RGS7: variants seen among roughly 807,000 people sequenced by gnomAD.
RGS7 encodes the protein regulator of G-protein signaling 7.
Under a neutral mutation model 81.1 loss-of-function variants are expected in RGS7, and 27 were observed. That is an observed-to-expected ratio of 0.33 (90% CI 0.25 to 0.46). The LOEUF (loss-of-function observed/expected upper bound fraction) is 0.46. Among genes scored for constraint, RGS7 ranks in the 20% least tolerant of loss-of-function variants. The pLI, the probability that RGS7 is intolerant of heterozygous loss-of-function variation, is 1.00. For missense variants in RGS7, 396 were observed against 607.4 expected, an observed-to-expected ratio of 0.65 and a Z score of 3.66; for synonymous variants, 208 against 207.7, an observed-to-expected ratio of 1.00 and a Z score of -0.01.
intron 2 of RGS7, among the ~76,000 whole-genome samples, chr1:241,234,389 T>A (rs1249724201): frequency 2.0e-5 from 3 of 152,238 alleles, no homozygotes; most frequent in African/African-American, 7.2e-5. Context: ...GTGGTACGAT[T>A]ATCTTGCATC....
chr1:240,841,665 T>A (rs1270999489), intron 9 of RGS7, among the ~76,000 whole-genome samples: 1 of 152,188 alleles, frequency 6.6e-6, no homozygotes. Flanking sequence ...CTGAAGCATA[T>A]CAAAGATTCA....
rs1425779549 is a variant in RGS7, at chr1:241,098,609, T to C, written c.175+57A>G. The C allele has an allele frequency of 6.9e-6, 8 of 1,162,580 alleles. No homozygotes were observed. In the East Asian group the frequency reaches 1.6e-4, roughly 24 times the overall value. 72.0% of individuals were successfully genotyped at this position (1,162,580 alleles called of 1,614,324 possible). A position where few individuals can be genotyped will look rare whatever the true frequency, so the allele number is the denominator to read the frequency against. ...AATAGTGAACAGCTGGAATCAGTTTTAAAGAGTTATCTAAGAGGTACAGGA... is the reference window on the plus strand; with the variant it reads ...AATAGTGAACAGCTGGAATCAGTTTCAAAGAGTTATCTAAGAGGTACAGGA... On this transcript the variant is annotated intron_variant, in intron 3 of 18. Transcript: ENST00000440928.
At chr1:240,932,179 C>A (rs907457338) in intron 5 of RGS7, among the ~76,000 whole-genome samples, 2 of 152,090 alleles carry the variant, frequency 1.3e-5, no homozygotes, top group Non-Finnish European at 1.5e-5. Context: ...TCTCAGAGGC[C>A]CCCCCGACTA....
chr1:240,886,830 A>G (rs1667407241), intron 6 of RGS7, among the ~76,000 whole-genome samples: 2 of 152,194 alleles, frequency 1.3e-5, no homozygotes. Context: ...TAATTGTCTG[A>G]TCCTCTGATC....
intron 2 of RGS7, among the ~76,000 whole-genome samples, chr1:241,241,678 C>T (rs1195101818): frequency 6.6e-6 from 1 of 152,066 alleles, no homozygotes; most frequent in Non-Finnish European, 1.5e-5. Flanking sequence ...TGGCATGAGC[C>T]ATGGGAGATC....
intron 2 of RGS7, among the ~76,000 whole-genome samples, chr1:241,178,887 G>T (rs75267947): frequency 0.014 from 2,058 of 152,250 alleles, 47 homozygotes; most frequent in African/African-American, 0.047. Context: ...TTGTAAGATT[G>T]ATATGCAGCC....
chr1:241,208,880 C>G (rs1366175899), intron 2 of RGS7, among the ~76,000 whole-genome samples: 1 of 152,162 alleles, frequency 6.6e-6, no homozygotes, highest in South Asian at 2.1e-4. Flanking sequence ...GAATGCTTGA[C>G]TGTTTTAACT....
chr1:240,777,344 A>G (rs1683135342), intron 18 of RGS7, among the ~76,000 whole-genome samples: 1 of 152,202 alleles, frequency 6.6e-6, no homozygotes, highest in Admixed American at 6.5e-5. Flanking sequence ...TTTTCATTTC[A>G]TGTCTTATTT....
chr1:240,925,667 A>G (rs1674324338), intron 6 of RGS7, among the ~76,000 whole-genome samples: 1 of 152,188 alleles, frequency 6.6e-6, no homozygotes, highest in Non-Finnish European at 1.5e-5. Context: ...TGGGATGAAT[A>G]TAGTTCTAGT....
At chr1:240,990,385 A>C (rs957979132) in intron 3 of RGS7, among the ~76,000 whole-genome samples, 2 of 152,242 alleles carry the variant, frequency 1.3e-5, no homozygotes, top group African/African-American at 2.4e-5. Flanking sequence ...TGCTATGAAT[A>C]TAAATGTGTT....
intron 1 of RGS7, among the ~76,000 whole-genome samples, 169 bp downstream of exon 1, chr1:241,356,730 C>A (rs573117212): frequency 6.7e-6 from 1 of 150,210 alleles, no homozygotes; most frequent in Non-Finnish European, 1.5e-5. Context: ...CACCGTGGAC[C>A]GCGGGGTGCG....
chr1:241,107,191 C>T (rs748137387), intron 2 of RGS7, among the ~76,000 whole-genome samples: 3 of 152,168 alleles, frequency 2.0e-5, no homozygotes, highest in African/African-American at 4.8e-5. Flanking sequence ...TTTTTCTTCT[C>T]GGCCTAGAGT....
intron 6 of RGS7, among the ~76,000 whole-genome samples, chr1:240,911,119 C>T (rs960225796): frequency 1.3e-5 from 2 of 152,108 alleles, no homozygotes; most frequent in Non-Finnish European, 2.9e-5. Flanking sequence ...AATCTCTCTC[C>T]TTTCATTGAA....
At chr1:241,090,846 C>T (rs140224279) in intron 3 of RGS7, among the ~76,000 whole-genome samples, 2 of 152,262 alleles carry the variant, frequency 1.3e-5, no homozygotes, top group Non-Finnish European at 2.9e-5. Context: ...GAGTACTCCA[C>T]AGGACTACAT....
intron 3 of RGS7, among the ~76,000 whole-genome samples, chr1:241,015,813 A>G (rs2059189549): frequency 6.6e-6 from 1 of 152,170 alleles, no homozygotes; most frequent in Non-Finnish European, 1.5e-5. Context: ...ATATAAGATA[A>G]TATCTATTAT....
intron 4 of RGS7, among the ~76,000 whole-genome samples, chr1:240,938,456 G>C (rs1342242951): frequency 6.6e-6 from 1 of 152,112 alleles, no homozygotes; most frequent in African/African-American, 2.4e-5. Flanking sequence ...GTTAAGAACT[G>C]AGTAACTAAG....
intron 3 of RGS7, among the ~76,000 whole-genome samples, chr1:241,076,832 G>A (rs12751978): frequency 0.23 from 34,888 of 152,076 alleles, 4,407 homozygotes; most frequent in African/African-American, 0.31. Context: ...TAGTCGGTGA[G>A]AAACTCCAAC....
intron 3 of RGS7, among the ~76,000 whole-genome samples, chr1:241,062,368 C>G (rs557860520): frequency 3.3e-5 from 5 of 152,256 alleles, no homozygotes; most frequent in African/African-American, 1.2e-4. Context: ...ACTGTACAGT[C>G]AAAAAGATTC....
At chr1:241,148,481 T>A (rs992995972) in intron 2 of RGS7, among the ~76,000 whole-genome samples, 5 of 152,232 alleles carry the variant, frequency 3.3e-5, no homozygotes, top group African/African-American at 1.2e-4. Flanking sequence ...TCTGCTGAGC[T>A]ACATCTTAAT....
Sources: allele counts gnomAD v4.1 joint callset (sites outside exome capture counted in the v4.1 genomes callset), GRCh38; gene constraint gnomAD v4.1.1; transcripts MANE v1.5; gene names NCBI Gene and HGNC (gene_info 2026-07-23, HGNC 2026-07-21).